Variants in SGCZ observed in about 807,000 individuals in gnomAD.
SGCZ encodes the protein sarcoglycan zeta, also known as zeta-sarcoglycan.
A neutral mutation model predicts 41.3 loss-of-function variants in SGCZ; 40 were observed. The ratio of observed to expected loss-of-function variants is 0.97; its 90% CI spans 0.75 to 1.26. The LOEUF is 1.26. Among genes scored for constraint, SGCZ ranks in the 50% most tolerant of loss-of-function variants. The probability of loss-of-function intolerance (pLI) is 0.00; values close to 1 mark genes in which losing one functional copy is unlikely to be tolerated. For synonymous variants in SGCZ, 206 were observed against 137.5 expected, an observed-to-expected ratio of 1.50 and a Z score of -3.49; for missense variants, 552 against 369.8, an observed-to-expected ratio of 1.49 and a Z score of -4.04.
intron 4 of SGCZ, among the ~76,000 whole-genome samples, chr8:14,189,192 T>A (rs1805011564): frequency 6.6e-6 from 1 of 152,058 alleles, no homozygotes; most frequent in Non-Finnish European, 1.5e-5. Context: ...ACCACTATCA[T>A]CTATAATCTG....
intron 2 of SGCZ, among the ~76,000 whole-genome samples, chr8:14,537,646 T>A (rs529754066): frequency 1.5e-4 from 23 of 151,918 alleles, no homozygotes; most frequent in Non-Finnish European, 2.5e-4. Context: ...GATTTAATAC[T>A]GTTCTCTATC....
chr8:14,713,232 T>C (rs1278099431), intron 1 of SGCZ, among the ~76,000 whole-genome samples: 1 of 152,148 alleles, frequency 6.6e-6, no homozygotes, highest in Admixed American at 6.5e-5. Context: ...TAAATGCATG[T>C]CCAAGCGTAT....
At chr8:15,108,616 CAGG>C (rs1169708381) in intron 1 of SGCZ, among the ~76,000 whole-genome samples, 1 of 152,140 alleles carries the variant, frequency 6.6e-6, no homozygotes, top group Non-Finnish European at 1.5e-5. Flanking sequence ...TAGGATTGAT[CAGG>C]AGGTTTAAAT....
intron 1 of SGCZ, among the ~76,000 whole-genome samples, chr8:14,807,768 A>C (rs370501851): frequency 6.6e-6 from 1 of 152,018 alleles, no homozygotes; most frequent in Non-Finnish European, 1.5e-5. Context: ...AGCCCGCATC[A>C]CCAAGTCAAT....
intron 1 of SGCZ, among the ~76,000 whole-genome samples, chr8:15,029,739 G>C (rs190615446): frequency 1.3e-5 from 2 of 151,970 alleles, no homozygotes; most frequent in African/African-American, 2.4e-5. Context: ...ATCAATTTTT[G>C]ATTATACTTT....
intron 1 of SGCZ, among the ~76,000 whole-genome samples, chr8:14,723,000 C>T (rs185618876): frequency 3.3e-5 from 5 of 152,280 alleles, no homozygotes; most frequent in African/African-American, 1.2e-4. Context: ...CACGCAGATT[C>T]TAATTTCAAG....
chr8:14,193,471 G>A (rs1055798642), intron 4 of SGCZ, among the ~76,000 whole-genome samples: 3 of 151,694 alleles, frequency 2.0e-5, no homozygotes, highest in Admixed American at 6.6e-5. Context: ...CAATATACAC[G>A]GACATATACA....
At chr8:14,134,063 T>C (rs1803122501) in intron 5 of SGCZ, among the ~76,000 whole-genome samples, 1 of 152,190 alleles carries the variant, frequency 6.6e-6, no homozygotes, top group African/African-American at 2.4e-5. Context: ...TGTATAAAAA[T>C]GTTATTTCAC....
At chr8:15,120,808 A>C (rs1280114828) in intron 1 of SGCZ, among the ~76,000 whole-genome samples, 2 of 152,158 alleles carry the variant, frequency 1.3e-5, no homozygotes, top group Admixed American at 6.5e-5. Context: ...AAACTTTTAC[A>C]ACATTAAATC....
At chr8:14,235,013 C>A (rs1806704737) in intron 4 of SGCZ, among the ~76,000 whole-genome samples, 1 of 152,116 alleles carries the variant, frequency 6.6e-6, no homozygotes, top group Admixed American at 6.5e-5. Flanking sequence ...TTACACTCAC[C>A]ATCATCACAA....
chr8:14,483,058 TTCTC>T (rs1801577712), intron 2 of SGCZ, among the ~76,000 whole-genome samples: 1 of 152,030 alleles, frequency 6.6e-6, no homozygotes, highest in South Asian at 2.1e-4. Flanking sequence ...ACAACACAAT[TTCTC>T]TCTCATTTCC....
intron 2 of SGCZ, among the ~76,000 whole-genome samples, chr8:14,382,677 C>T (rs940644723): frequency 7.2e-5 from 11 of 152,100 alleles, no homozygotes; most frequent in Non-Finnish European, 1.6e-4. Flanking sequence ...GGTAAGTGCT[C>T]AGAACATCAA....
intron 1 of SGCZ, among the ~76,000 whole-genome samples, chr8:15,179,999 G>C (rs28459068): frequency 0.29 from 44,660 of 152,008 alleles, 7,075 homozygotes; most frequent in East Asian, 0.46. Context: ...TGTTTAGTAG[G>C]CTGACTATTA....
intron 1 of SGCZ, among the ~76,000 whole-genome samples, chr8:14,604,147 A>G (rs1307242528): frequency 6.6e-6 from 1 of 152,154 alleles, no homozygotes; most frequent in Non-Finnish European, 1.5e-5. Flanking sequence ...AACACTTATC[A>G]AAAATGCTAC....
chr8:14,991,660 T>C (rs74385061), intron 1 of SGCZ, among the ~76,000 whole-genome samples: 3,424 of 152,182 alleles, frequency 0.022, 153 homozygotes, highest in African/African-American at 0.078. Context: ...AGGAAACTAG[T>C]GATACCCTGG....
chr8:14,400,005 C>T (rs1799027337), intron 2 of SGCZ, among the ~76,000 whole-genome samples: 1 of 151,986 alleles, frequency 6.6e-6, no homozygotes, highest in Admixed American at 6.6e-5. Flanking sequence ...TTTTCCTCCC[C>T]CGTTAAGCCC....
At chr8:14,420,664 A>T (rs1447754431) in intron 2 of SGCZ, among the ~76,000 whole-genome samples, 1 of 152,090 alleles carries the variant, frequency 6.6e-6, no homozygotes, top group East Asian at 1.9e-4. Context: ...TCAGCAATAG[A>T]ACTGGAGAAA....
At chr8:14,473,697 GGAGGTC>G (rs1261421185) in intron 2 of SGCZ, among the ~76,000 whole-genome samples, 3 of 152,092 alleles carry the variant, frequency 2.0e-5, no homozygotes, top group Non-Finnish European at 4.4e-5. Context: ...CAGCACTTTG[GGAGGTC>G]GAGGTGGGTG....
chr8:15,116,511 T>C (rs1298610786), intron 1 of SGCZ, among the ~76,000 whole-genome samples: 2 of 152,234 alleles, frequency 1.3e-5, no homozygotes, highest in African/African-American at 4.8e-5. Context: ...ATAGATTTTG[T>C]CAAAGGTCTT....
Sources: allele counts gnomAD v4.1 joint callset (sites outside exome capture counted in the v4.1 genomes callset), GRCh38; gene constraint gnomAD v4.1.1; transcripts MANE v1.5; gene names NCBI Gene and HGNC (gene_info 2026-07-23, HGNC 2026-07-21).